ENTPD6: variants seen among roughly 807,000 people sequenced by gnomAD.
ENTPD6 encodes CD39 antigen-like 2.
ENTPD6 carries 46 observed loss-of-function variants against 61.5 expected under a neutral mutation model. That is an observed-to-expected ratio of 0.75 (90% CI 0.59 to 0.96). The LOEUF is 0.96. Ranked by LOEUF, ENTPD6 falls within the 40% of genes least tolerant of loss-of-function variation. ENTPD6 has a pLI of 0.00. For synonymous variants in ENTPD6, 252 were observed against 255.5 expected (o/e 0.99, Z 0.13); for missense variants, 612 against 629.0 (o/e 0.97, Z 0.29).
chr20:25,197,533 A>T (rs901115581), intron 1 of ENTPD6, among the ~76,000 whole-genome samples: 9 of 152,184 alleles, frequency 5.9e-5, no homozygotes, highest in African/African-American at 1.9e-4. Context: ...CAACACATTC[A>T]CGCTGTGGTG....
Position 25,213,380 on chromosome 20 carries a change from GA to G in ENTPD6, c.575del (p.Lys192ArgfsTer9), listed in dbSNP as rs775559318. 1.2e-5 allele frequency: 19 copies of G among 1,613,060 alleles called. No homozygotes were observed. Among genetic ancestry groups the G allele is most frequent in the Non-Finnish European group, 1.4e-5 (16 of 1,179,406 alleles). ...AGCTGGCTTACGCCTGTTACCTGGA[GA>G]AAAGGCCCAGAAGTTACTGCAGAAG... is the stretch of plus-strand genomic sequence containing the variant. Reference protein sequence around the residue: ...ATAGLRLLPGEKAQKLLQKVK... With the variant: ...ATAGLRLLPGXKAQKLLQKVK... On this transcript the variant is annotated frameshift_variant, in exon 5 of 15. Transcript: ENST00000376652. LOFTEE classifies it high-confidence loss of function.
At chr20:25,211,841 C>G (rs557167217) in intron 4 of ENTPD6, among the ~76,000 whole-genome samples, 1 of 152,312 alleles carries the variant, frequency 6.6e-6, no homozygotes, top group South Asian at 2.1e-4. Flanking sequence ...TGAGGTCTCT[C>G]TCTATCACCC....
chr20:25,198,513 G>A lies in ENTPD6; in HGVS notation c.-16+2646G>A, dbSNP rs1432321118. ...AAAAAAGTCTTGATTACATAAAGAG[G>A]ATTTTATTAAACGTATTCACAGTTG... On this transcript the variant is annotated intron_variant, in intron 1 of 14. Coordinates refer to ENST00000376652, the MANE Select transcript of ENTPD6 (RefSeq NM_001247.5). 2.0e-5 allele frequency among the ~76,000 whole-genome samples: 3 copies of A among 152,050 alleles called. No homozygotes were observed. The South Asian group carries it at 6.2e-4, about 32-fold the overall frequency.
rs541645883 is a variant in ENTPD6, at chr20:25,209,941, C to T, written c.453+16C>T. 2.1e-5 allele frequency: 34 copies of T among 1,604,438 alleles called. No homozygotes were observed. Among genetic ancestry groups the T allele is most frequent in the Middle Eastern group, 1.7e-4 (1 of 6,054 alleles). ...TGTTGAAAAGGTAAGGATCCTCTCC[C>T]GTGTCTCCCTGTTCAACTGCAGAAT... On this transcript the variant is annotated intron_variant, in intron 4 of 14. Transcript: ENST00000376652.
chr20:25,220,219 C>G (rs925785286), intron 10 of ENTPD6, among the ~76,000 whole-genome samples: 2 of 152,198 alleles, frequency 1.3e-5, no homozygotes, highest in African/African-American at 4.8e-5. Context: ...AAACAGCAGT[C>G]GCGGCTGGAA....
At position 25,225,542 on chromosome 20, in the gene ENTPD6, G is replaced by A; in HGVS notation, c.1400G>A (p.Gly467Glu). ...IDNVETSWAL[G>E]AIFHYIDSLN... Reference sequence around the variant, plus strand: ...AATGTTGAGACCAGCTGGGCTCTGGGGGCCATTTTTCATTACATCGACTCC... The same window carrying A: ...AATGTTGAGACCAGCTGGGCTCTGGAGGCCATTTTTCATTACATCGACTCC... The change falls in exon 15 of 15, where the codon GGG (glycine) becomes GAG (glutamate). Residue 467 changes from glycine (G) to glutamate (E), a missense_variant. Physicochemically the swap from Gly to Glu is moderately conservative, Grantham distance 98. Transcript: ENST00000376652. 2 of 1,614,076 alleles carry A rather than the reference G, an allele frequency of 1.2e-6. No individual in the cohort carries two copies. The highest frequency in any genetic ancestry group is 1.7e-6 in the Non-Finnish European group (2 of 1,179,978).
At chr20:25,207,456 C>A in intron 3 of ENTPD6, 59 bp downstream of exon 3, 1 of 1,437,558 alleles carries the variant, frequency 7.0e-7, no homozygotes, top group Non-Finnish European at 9.2e-7. Context: ...CAGTGTTGGC[C>A]GGGTCCCCTG....
At chr20:25,221,430 A>C (rs772262445) in intron 11 of ENTPD6, 97 bp downstream of exon 11, 5 of 921,240 alleles carry the variant, frequency 5.4e-6, no homozygotes, top group African/African-American at 1.6e-5. Context: ...GTTCCACGGG[A>C]GGCTCCTGAC....
rs1480373672 is a variant in ENTPD6, at chr20:25,225,330, T to G, written c.1356+13T>G. On this transcript the variant is annotated intron_variant, in intron 14 of 14. Transcript: ENST00000376652. The stretch of plus-strand genomic sequence containing the variant: ...CAAAGTGCTGAAGGTAAGGGTGCCC[T>G]CAGGTCACGCCCCAGCCCCTTTATG... 6.2e-7 allele frequency: 1 copy of G among 1,612,226 alleles called. No homozygotes were observed. Among genetic ancestry groups the G allele is most frequent in the African/African-American group, 1.3e-5 (1 of 74,864 alleles).
At chr20:25,208,667 A>T (rs983359599) in intron 3 of ENTPD6, among the ~76,000 whole-genome samples, 9 of 152,174 alleles carry the variant, frequency 5.9e-5, no homozygotes, top group African/African-American at 2.2e-4. Flanking sequence ...TTGTAAGCAC[A>T]AGTTCATACC....
rs928908253 is a variant in ENTPD6 at position 25,226,110 on chromosome 20, C to T, written c.*513C>T. On this transcript the variant is annotated 3_prime_UTR_variant, in exon 15 of 15. Transcript: ENST00000376652. ...CCCGGGACAGTAGGTCTGGGCGGCA[C>T]CACTGGGAACTCTGGACTTGAGTGT... is the stretch of plus-strand genomic sequence containing the variant. 1.3e-5 allele frequency: 2 copies of T among 153,276 alleles called. No individual in the cohort carries two copies. Among genetic ancestry groups the T allele is most frequent in the African/African-American group, 4.8e-5 (2 of 41,468 alleles). The allele number at this position is 153,276 out of a possible 1,614,324, so 9.5% of individuals were successfully genotyped here. A position where few individuals can be genotyped will look rare whatever the true frequency, so the allele number is the denominator to read the frequency against.
intron 10 of ENTPD6, among the ~76,000 whole-genome samples, chr20:25,220,903 A>G (rs2092607139): frequency 6.6e-6 from 1 of 152,212 alleles, no homozygotes; most frequent in African/African-American, 2.4e-5. Context: ...CCAGCTACTC[A>G]CAGCCTCAGT....
At chr20:25,223,024 G>A in intron 12 of ENTPD6, 46 bp downstream of exon 12, 1 of 1,511,888 alleles carries the variant, frequency 6.6e-7, no homozygotes, top group Non-Finnish European at 9.0e-7. Context: ...GGGCGGCAGG[G>A]GGCGGGGGTG....
intron 6 of ENTPD6, among the ~76,000 whole-genome samples, chr20:25,215,213 TTG>T (rs760431422): frequency 6.6e-6 from 1 of 152,196 alleles, no homozygotes; most frequent in Non-Finnish European, 1.5e-5. Flanking sequence ...TCTAAAAACA[TTG>T]TGTTTTTAGT....
intron 1 of ENTPD6, chr20:25,197,263 G>A (rs1168283501): frequency 7.1e-6 from 7 of 984,474 alleles, no homozygotes; most frequent in Non-Finnish European, 8.4e-6. Context: ...CCAACCAGGG[G>A]ACAGGGTAGC....
intron 4 of ENTPD6, among the ~76,000 whole-genome samples, chr20:25,210,160 T>G (rs1335870663): frequency 6.6e-6 from 1 of 152,186 alleles, no homozygotes; most frequent in Non-Finnish European, 1.5e-5. Context: ...AGCGCTCACT[T>G]CTCCAACGTG....
chr20:25,221,700 C>G (rs2092638917), intron 11 of ENTPD6: 1 of 355,842 alleles, frequency 2.8e-6, no homozygotes, highest in South Asian at 2.3e-5. Flanking sequence ...GAGGGAGGGT[C>G]TGCTTCCACC....
intron 2 of ENTPD6, 86 bp downstream of exon 2, chr20:25,206,676 G>C (rs2091524941): frequency 1.0e-6 from 1 of 981,342 alleles, no homozygotes; most frequent in African/African-American, 1.6e-5. Context: ...GTATAACTGA[G>C]GATTGAAAGA....
chr20:25,215,846 AC>A, intron 7 of ENTPD6, 135 bp downstream of exon 7: 5 of 938,352 alleles, frequency 5.3e-6, no homozygotes, highest in Non-Finnish European at 8.6e-6. Context: ...TTGCTGACTG[AC>A]CATAGGGTGT....
Sources: allele counts gnomAD v4.1 joint callset (sites outside exome capture counted in the v4.1 genomes callset), GRCh38; gene constraint gnomAD v4.1.1; transcripts MANE v1.5; gene names NCBI Gene and HGNC (gene_info 2026-07-23, HGNC 2026-07-21).